CNDP1: variants seen among roughly 807,000 people sequenced by gnomAD.
CNDP1 encodes the protein beta-Ala-His dipeptidase.
In CNDP1, 44 loss-of-function variants were observed where a neutral mutation model predicts 58.1. That is an observed-to-expected ratio of 0.76 (90% confidence interval 0.60 to 0.97). The LOEUF is 0.97. Among genes scored for constraint, CNDP1 ranks in the 50% least tolerant of loss-of-function variants. The probability of loss-of-function intolerance (pLI) is 0.00; values close to 1 mark genes in which losing one functional copy is unlikely to be tolerated. For missense variants in CNDP1, 616 were observed against 655.1 expected, an observed-to-expected ratio of 0.94 and a Z score of 0.65; for synonymous variants, 254 against 252.6, an observed-to-expected ratio of 1.01 and a Z score of -0.05.
chr18:74,568,955 A>G (rs1023290149), intron 6 of CNDP1, among the ~76,000 whole-genome samples: 11 of 152,136 alleles, frequency 7.2e-5, no homozygotes, highest in African/African-American at 2.4e-4. Context: ...CAAGGTGTTG[A>G]GCACAGAGGG....
At chr18:74,574,792 C>T (rs1442211291) in intron 7 of CNDP1, 3 of 152,182 alleles carry the variant, frequency 2.0e-5, no homozygotes, top group African/African-American at 7.2e-5. Flanking sequence ...TCAATGGCTC[C>T]CCTTTCCCTG....
In CNDP1 at chr18:74,577,025, C is replaced by G. The variant is rs755898434; in HGVS notation, c.998C>G (p.Thr333Ser). Residue 333 changes from threonine to serine, a missense_variant, in exon 8 of 12, where the codon ACT becomes AGT. By Grantham distance (58) the Thr-to-Ser change is moderately conservative (BLOSUM62 1). Coordinates refer to ENST00000358821, the MANE Select transcript of CNDP1 (RefSeq NM_032649.6). The part of the protein sequence containing the change: ...SSRVEKFLFD[T>S]KEEILMHLWR... ...CGGGTTGAGAAATTTCTGTTCGATA[C>G]TAAGGTATGGCCACAGACTGATGGA... 1.7e-5 allele frequency: 27 copies of G among 1,610,774 alleles called. No individual in the cohort carries two copies. In the African/African-American group the frequency reaches 2.7e-4, roughly 16 times the overall value.
chr18:74,577,205 C>A, intron 8 of CNDP1, 176 bp downstream of exon 8: 1 of 517,752 alleles, frequency 1.9e-6, no homozygotes, highest in Non-Finnish European at 3.2e-6. Flanking sequence ...CTGGATCAAC[C>A]AGTCCTTTTT....
chr18:74,568,944 T>A (rs2144663322), intron 6 of CNDP1, among the ~76,000 whole-genome samples: 1 of 152,128 alleles, frequency 6.6e-6, no homozygotes, highest in South Asian at 2.1e-4. Flanking sequence ...GAAGAGCTCA[T>A]CAAGGTGTTG....
intron 6 of CNDP1, among the ~76,000 whole-genome samples, chr18:74,569,645 G>T (rs1981420883): frequency 1.3e-5 from 2 of 152,146 alleles, no homozygotes; most frequent in Non-Finnish European, 2.9e-5. Flanking sequence ...ACATGTTTGT[G>T]TCATTCCACA....
chr18:74,546,836 G>A (rs535665143), intron 1 of CNDP1, among the ~76,000 whole-genome samples: 10 of 152,332 alleles, frequency 6.6e-5, no homozygotes, highest in African/African-American at 1.7e-4. Context: ...GCCATTTCAC[G>A]TGGTGTGTGG....
chr18:74,571,360 G>A, intron 7 of CNDP1, 90 bp downstream of exon 7: 1 of 909,062 alleles, frequency 1.1e-6, no homozygotes, highest in Non-Finnish European at 1.8e-6. Context: ...CTTGCTTTCT[G>A]AACCAGCTCT....
chr18:74,581,218 CTGTGTGTG>C (rs56269857), intron 10 of CNDP1, among the ~76,000 whole-genome samples: 5,717 of 138,452 alleles, frequency 0.041, 130 homozygotes, highest in Admixed American at 0.073. Flanking sequence ...CACACCTATC[CTGTGTGTG>C]TGTGTGTGTG....
At chr18:74,555,849 G>A (rs1392302359) in intron 1 of CNDP1, among the ~76,000 whole-genome samples, 3 of 152,254 alleles carry the variant, frequency 2.0e-5, no homozygotes, top group Non-Finnish European at 4.4e-5. Flanking sequence ...TCCTGTTAAA[G>A]TACTGTGATT....
intron 1 of CNDP1, among the ~76,000 whole-genome samples, chr18:74,547,408 G>C (rs557667434): frequency 1.3e-5 from 2 of 152,148 alleles, no homozygotes; most frequent in African/African-American, 2.4e-5. Flanking sequence ...GAGGCTTTGT[G>C]GGGGGTGGAG....
At chr18:74,553,058 G>T (rs2144649469) in intron 1 of CNDP1, among the ~76,000 whole-genome samples, 1 of 152,274 alleles carries the variant, frequency 6.6e-6, no homozygotes, top group East Asian at 1.9e-4. Context: ...CTTTCCATGT[G>T]TTTATTGGCC....
rs12607796 is a variant in CNDP1, at chr18:74,559,304, T to C, written c.154-19T>C. 0.79 allele frequency: 1,273,813 copies of C among 1,613,244 alleles called. 506,104 individuals carry two copies. The highest frequency in any genetic ancestry group is 0.94 in the East Asian group (42,109 of 44,870). On this transcript the variant is annotated intron_variant, in intron 2 of 11. Transcript: ENST00000358821. ...ATGTGGGACCCCAATGCTAATGGCC[T>C]GCTTGCTCTTCCTCCTAGACGCTGA...
At chr18:74,536,295 G>A (rs11662276) in intron 1 of CNDP1, among the ~76,000 whole-genome samples, 20,416 of 151,934 alleles carry the variant, frequency 0.13, 1,725 homozygotes, top group Non-Finnish European at 0.2. Context: ...CCCTCCTCCC[G>A]TCCTCCACCC....
At chr18:74,583,965 GTCTC>G in intron 11 of CNDP1, 1 of 460,952 alleles carries the variant, frequency 2.2e-6, no homozygotes, top group East Asian at 3.9e-5. Flanking sequence ...TGGTTCTGGT[GTCTC>G]TCTTTTTATA....
intron 5 of CNDP1, 36 bp from the exon 6 acceptor site, chr18:74,567,197 C>G (rs767102561): frequency 3.9e-6 from 6 of 1,554,382 alleles, no homozygotes; most frequent in Non-Finnish European, 5.3e-6. Context: ...CCACATCAGG[C>G]AACTTGTGCA....
intron 1 of CNDP1, among the ~76,000 whole-genome samples, chr18:74,553,897 G>A (rs757875782): frequency 5.3e-5 from 8 of 152,170 alleles, no homozygotes; most frequent in South Asian, 2.1e-4. Flanking sequence ...CATGGTCTGC[G>A]TTTCATGGCA....
chr18:74,578,354 CAT>C (rs1013004754), intron 9 of CNDP1, 27 bp downstream of exon 9: 1 of 1,582,970 alleles, frequency 6.3e-7, no homozygotes, highest in Non-Finnish European at 8.6e-7. Context: ...GTGACAATAA[CAT>C]GTTTCAGTAA....
intron 11 of CNDP1, chr18:74,583,987 C>G (rs1000458667): frequency 2.4e-6 from 1 of 417,984 alleles, no homozygotes; most frequent in East Asian, 4.5e-5. Flanking sequence ...ATAAGAGCAC[C>G]AGACCCATTG....
Position 74,586,207 on chromosome 18 carries a change from A to T in CNDP1, c.*1645A>T, listed in dbSNP as rs184617499. On this transcript the variant is annotated 3_prime_UTR_variant, in exon 12 of 12. Coordinates refer to ENST00000358821, the MANE Select transcript of CNDP1 (RefSeq NM_032649.6). Reference sequence around the variant, plus strand: ...CTCAACCTAGTTGTGGGCATTTGTGAAGGATTCCAGTTAGTGTTTTCTTTG... The same window carrying T: ...CTCAACCTAGTTGTGGGCATTTGTGTAGGATTCCAGTTAGTGTTTTCTTTG... 2.0e-5 allele frequency: 3 copies of T among 152,262 alleles called. No homozygotes were observed. The East Asian group carries it at 5.8e-4, about 29-fold the overall frequency. The allele number at this position is 152,262 out of a possible 1,614,324, so 9.4% of individuals were successfully genotyped here.
Sources: allele counts gnomAD v4.1 joint callset (sites outside exome capture counted in the v4.1 genomes callset), GRCh38; gene constraint gnomAD v4.1.1; transcripts MANE v1.5; gene names NCBI Gene and HGNC (gene_info 2026-07-23, HGNC 2026-07-21).